The following XKR4 variants were observed in gnomAD, a reference collection of about 807,000 sequenced individuals.
The protein encoded by XKR4 is XK-related protein 4.
XKR4 carries 12 observed loss-of-function variants against 53.9 expected under a neutral mutation model. The observed-to-expected ratio is 0.22, with a 90% CI of 0.14 to 0.36. The LOEUF (loss-of-function observed/expected upper bound fraction) is 0.36, where lower values mean the gene tolerates loss of function less well. Ranked by LOEUF, XKR4 falls within the 10% of genes least tolerant of loss-of-function variation. The pLI, the probability that XKR4 is intolerant of heterozygous loss-of-function variation, is 1.00. For missense variants in XKR4, 799 were observed against 859.5 expected (o/e 0.93, Z 0.88); for synonymous variants, 354 against 362.4 (o/e 0.98, Z 0.26).
rs569491338 is a variant in XKR4 at position 55,261,507 on chromosome 8, G to C, written c.807-96171G>C. On this transcript the variant is annotated intron_variant, in intron 1 of 2. Coordinates refer to ENST00000327381, the MANE Select transcript of XKR4 (RefSeq NM_052898.2). ...GTTTAGGTCAAAGATCTTTCATTTT[G>C]AATTCCTTTGCGCCCAAGCCAACCC... Among the ~76,000 whole-genome samples the C allele has an allele frequency of 1.5e-4, 23 of 152,278 alleles. No homozygotes were observed. The East Asian group carries it at 4.4e-3, about 29-fold the overall frequency.
At chr8:55,172,642 G>A (rs1817178220) in intron 1 of XKR4, among the ~76,000 whole-genome samples, 1 of 151,984 alleles carries the variant, frequency 6.6e-6, no homozygotes, top group Admixed American at 6.6e-5. Context: ...AACAGCACAG[G>A]TATTTAAAAA....
At chr8:55,411,501 T>G (rs940502123) in intron 2 of XKR4, among the ~76,000 whole-genome samples, 2 of 152,190 alleles carry the variant, frequency 1.3e-5, no homozygotes, top group East Asian at 1.9e-4. Flanking sequence ...ATCCAAGAAC[T>G]CGAGTCACAC....
At chr8:55,154,788 T>C (rs752016591) in intron 1 of XKR4, among the ~76,000 whole-genome samples, 2 of 152,222 alleles carry the variant, frequency 1.3e-5, no homozygotes, top group Non-Finnish European at 2.9e-5. Flanking sequence ...ACTTAAAAAG[T>C]GTTCATAGAA....
rs893540133 is a variant in XKR4 at position 55,177,422 on chromosome 8, C to T, written c.806+74128C>T. On this transcript the variant is annotated intron_variant, in intron 1 of 2. Coordinates refer to ENST00000327381, the MANE Select transcript of XKR4 (RefSeq NM_052898.2). ...GCTCCCACCCAGGGGACATCTCAGGCACAGCTGAGTTTTGGGGAAGAATCT... is the reference window on the plus strand; with the variant it reads ...GCTCCCACCCAGGGGACATCTCAGGTACAGCTGAGTTTTGGGGAAGAATCT... Among the ~76,000 whole-genome samples, 16 of 152,334 alleles carry T rather than the reference C, an allele frequency of 1.1e-4. 1 individual carries two copies. The highest frequency in any genetic ancestry group is 8.5e-4 in the Admixed American group (13 of 15,308).
chr8:55,215,012 A>G (rs1817781107), intron 1 of XKR4, among the ~76,000 whole-genome samples: 2 of 151,932 alleles, frequency 1.3e-5, no homozygotes, highest in South Asian at 4.1e-4. Context: ...TATTTCCTAT[A>G]TTGTGAATTT....
chr8:55,227,130 C>T (rs958450494), intron 1 of XKR4, among the ~76,000 whole-genome samples: 4 of 152,160 alleles, frequency 2.6e-5, no homozygotes, highest in Admixed American at 2.6e-4. Flanking sequence ...GTCCTCGTGG[C>T]GTTTAGCACA....
chr8:55,316,783 A>T (rs1371788549), intron 1 of XKR4, among the ~76,000 whole-genome samples: 1 of 152,184 alleles, frequency 6.6e-6, no homozygotes, highest in African/African-American at 2.4e-5. Context: ...CATATTTGAG[A>T]TGACTCAGAG....
At chr8:55,338,853 G>T (rs1417381390) in intron 1 of XKR4, among the ~76,000 whole-genome samples, 1 of 152,188 alleles carries the variant, frequency 6.6e-6, no homozygotes, top group Non-Finnish European at 1.5e-5. Context: ...ATACTTGATT[G>T]TTTGGATTCC....
chr8:55,512,558 T>C (rs540985413), intron 2 of XKR4, among the ~76,000 whole-genome samples: 1 of 152,214 alleles, frequency 6.6e-6, no homozygotes, highest in Admixed American at 6.5e-5. Flanking sequence ...TGTAAATATG[T>C]ATGTTGCAAA....
At chr8:55,349,525 T>C (rs1803698346) in intron 1 of XKR4, among the ~76,000 whole-genome samples, 1 of 152,174 alleles carries the variant, frequency 6.6e-6, no homozygotes, top group African/African-American at 2.4e-5. Flanking sequence ...TAGTATAAAA[T>C]ATGTGGTAGG....
intron 2 of XKR4, among the ~76,000 whole-genome samples, chr8:55,367,306 G>T (rs1380104423): frequency 6.6e-6 from 1 of 152,104 alleles, no homozygotes; most frequent in Non-Finnish European, 1.5e-5. Context: ...CCACGTAACT[G>T]TAACCCATTC....
intron 1 of XKR4, among the ~76,000 whole-genome samples, chr8:55,115,381 TAC>T (rs34839811): frequency 5.9e-4 from 89 of 149,686 alleles, no homozygotes; most frequent in South Asian, 1.3e-3. Context: ...GATAGGTGCA[TAC>T]ACACACACAC....
At chr8:55,450,440 A>G in intron 2 of XKR4, 3 of 582,340 alleles carry the variant, frequency 5.2e-6, no homozygotes, top group Non-Finnish European at 9.5e-6. Flanking sequence ...CGGTCCACAC[A>G]GAGACCTGCA....
intron 2 of XKR4, among the ~76,000 whole-genome samples, chr8:55,380,885 A>C (rs1804222099): frequency 6.6e-6 from 1 of 152,254 alleles, no homozygotes; most frequent in South Asian, 2.1e-4. Flanking sequence ...TAAAAGAGTC[A>C]AACTAGGTCA....
chr8:55,255,733 A>G (rs1178003566), intron 1 of XKR4, among the ~76,000 whole-genome samples: 1 of 152,170 alleles, frequency 6.6e-6, no homozygotes, highest in Non-Finnish European at 1.5e-5. Context: ...GTTAACCTTA[A>G]GAGATTAGCA....
At chr8:55,455,913 G>C (rs1007342447) in intron 2 of XKR4, among the ~76,000 whole-genome samples, 1 of 152,056 alleles carries the variant, frequency 6.6e-6, no homozygotes, top group Non-Finnish European at 1.5e-5. Flanking sequence ...GCAGACAAAG[G>C]GACAACCTCA....
intron 1 of XKR4, among the ~76,000 whole-genome samples, chr8:55,323,504 A>G (rs1209590116): frequency 6.6e-6 from 1 of 152,170 alleles, no homozygotes; most frequent in African/African-American, 2.4e-5. Context: ...AGATTTAGCC[A>G]TGTTATTGTG....
chr8:55,509,004 AT>A (rs1448697687), intron 2 of XKR4, among the ~76,000 whole-genome samples: 1 of 152,234 alleles, frequency 6.6e-6, no homozygotes, highest in Non-Finnish European at 1.5e-5. Flanking sequence ...TGGAGATGAA[AT>A]AGCTGAATGT....
intron 2 of XKR4, among the ~76,000 whole-genome samples, chr8:55,510,574 A>G (rs931612431): frequency 1.5e-4 from 23 of 151,672 alleles, no homozygotes; most frequent in African/African-American, 5.3e-4. Flanking sequence ...AGAGGAGTCC[A>G]CTCTCCCAAA....
Sources: gnomAD v4.1 joint callset for allele counts (sites outside exome capture counted in the v4.1 genomes callset) on GRCh38, gnomAD v4.1.1 for gene constraint, MANE v1.5 for transcripts, NCBI Gene and HGNC (gene_info 2026-07-23, HGNC 2026-07-21) for gene names.